CAPSL: variants seen among roughly 807,000 people sequenced by gnomAD.
CAPSL encodes calcyphosine like.
A neutral mutation model predicts 21.3 loss-of-function variants in CAPSL; 17 were observed. The observed-to-expected ratio is 0.80, with a 90% confidence interval of 0.55 to 1.20. The LOEUF (loss-of-function observed/expected upper bound fraction) is 1.20, where lower values mean the gene tolerates loss of function less well. Among genes scored for constraint, CAPSL ranks in the 50% most tolerant of loss-of-function variants. The pLI, the probability that CAPSL is intolerant of heterozygous loss-of-function variation, is 0.00. For missense variants in CAPSL, 289 were observed against 259.3 expected, an observed-to-expected ratio of 1.11 and a Z score of -0.79; for synonymous variants, 102 against 89.3, an observed-to-expected ratio of 1.14 and a Z score of -0.80.
chr5:35,905,386 G>A (rs188215238), intron 4 of CAPSL, among the ~76,000 whole-genome samples: 52 of 152,184 alleles, frequency 3.4e-4, no homozygotes, highest in African/African-American at 1.1e-3. Context: ...TGACATGATC[G>A]GTTGGGGACA....
intron 1 of CAPSL, among the ~76,000 whole-genome samples, chr5:35,928,406 A>T (rs696734): frequency 0.23 from 34,314 of 152,054 alleles, 4,242 homozygotes; most frequent in Non-Finnish European, 0.28. Context: ...GAAATTGAAG[A>T]CTCTGACAGT....
intron 1 of CAPSL, among the ~76,000 whole-genome samples, chr5:35,937,523 G>A (rs923491217): frequency 6.6e-6 from 1 of 152,112 alleles, no homozygotes; most frequent in Non-Finnish European, 1.5e-5. Flanking sequence ...ATCCTTCCAT[G>A]ATCATGTGGT....
At chr5:35,931,987 G>A (rs1738837340) in intron 1 of CAPSL, among the ~76,000 whole-genome samples, 1 of 152,150 alleles carries the variant, frequency 6.6e-6, no homozygotes, top group Non-Finnish European at 1.5e-5. Flanking sequence ...GCAGCCATTA[G>A]TCATGAAAAT....
Position 35,919,168 on chromosome 5 carries a change from A to ATTATATATATATATATATATAT in CAPSL, c.137+1815_137+1816insATATATATATATATATATATAA, listed in dbSNP as rs1328263175. On this transcript the variant is annotated intron_variant, in intron 2 of 4. Transcript: ENST00000651391. Reference sequence around the variant, plus strand: ...CTAGTATCTTTCCTGATTAAAAAAAAAAATATATATATATATATATATAAA... The same window carrying ATTATATATATATATATATATAT: ...CTAGTATCTTTCCTGATTAAAAAAAATTATATATATATATATATATATAAATATATATATATATATATATAAA... Among the ~76,000 whole-genome samples, 117 of 112,948 alleles carry ATTATATATATATATATATATAT rather than the reference A, an allele frequency of 1.0e-3. 1 individual carries two copies. The highest frequency in any genetic ancestry group is 3.6e-3 in the African/African-American group (112 of 30,974). The allele number at this position is 112,948 out of a possible 152,430, so 74.1% of individuals were successfully genotyped here.
At chr5:35,919,706 G>T (rs146794865) in intron 2 of CAPSL, among the ~76,000 whole-genome samples, 187 of 152,314 alleles carry the variant, frequency 1.2e-3, no homozygotes, top group African/African-American at 4.4e-3. Context: ...GTGGAGGAGA[G>T]GGGCAGCTTC....
intron 2 of CAPSL, among the ~76,000 whole-genome samples, chr5:35,919,160 T>TTAAA (rs139738118): frequency 1.8e-3 from 231 of 129,156 alleles, no homozygotes; most frequent in Middle Eastern, 7.6e-3. Flanking sequence ...CTTTCCTGAT[T>TTAAA]AAAAAAAAAA....
chr5:35,919,627 G>T (rs937980277), intron 2 of CAPSL, among the ~76,000 whole-genome samples: 2 of 152,146 alleles, frequency 1.3e-5, no homozygotes, highest in Non-Finnish European at 2.9e-5. Flanking sequence ...ACAAAGGGGT[G>T]TGTATGACCT....
At chr5:35,925,611 C>G (rs148850047) in intron 1 of CAPSL, among the ~76,000 whole-genome samples, 365 of 152,112 alleles carry the variant, frequency 2.4e-3, no homozygotes, top group African/African-American at 8.3e-3. Context: ...CCTGGGGTGC[C>G]AGGGTGGGAT....
chr5:35,904,473 TG>T lies in CAPSL; in HGVS notation c.*71del. The T allele has an allele frequency of 9.1e-7, 1 of 1,102,894 alleles. No individual in the cohort carries two copies. The highest frequency in any genetic ancestry group is 1.6e-5 in the African/African-American group (1 of 63,306). 68.3% of individuals were successfully genotyped at this position (1,102,894 alleles called of 1,614,324 possible). ...ATGAGTGTGAAATCAAATACGATTCTGGTTTTTGAGCTGACATTTAGTCATT... is the reference window on the plus strand; with the variant it reads ...ATGAGTGTGAAATCAAATACGATTCTGTTTTTGAGCTGACATTTAGTCATT... On this transcript the variant is annotated 3_prime_UTR_variant, in exon 5 of 5. Coordinates refer to ENST00000651391, the MANE Select transcript of CAPSL (RefSeq NM_001042625.2).
rs975169655 is a variant in CAPSL at position 35,906,615 on chromosome 5, G to C, written c.526-1969C>G. Among the ~76,000 whole-genome samples the C allele has an allele frequency of 1.1e-4, 17 of 152,278 alleles. 3 individuals are homozygous for C. Among genetic ancestry groups the C allele is most frequent in the East Asian group, 3.9e-4 (2 of 5,178 alleles). On this transcript the variant is annotated intron_variant, in intron 4 of 4. Coordinates refer to ENST00000651391, the MANE Select transcript of CAPSL (RefSeq NM_001042625.2). ...TGCTCTCTTTAAGCCACTCAAGTGA[G>C]AACATCAAGTAGAATAAAAAATAAA...
intron 2 of CAPSL, among the ~76,000 whole-genome samples, chr5:35,917,923 G>A (rs1738435621): frequency 6.6e-6 from 1 of 152,138 alleles, no homozygotes; most frequent in Non-Finnish European, 1.5e-5. Context: ...AATCATGTCA[G>A]TTAGAATGGT....
rs1179691950 is a variant in CAPSL at position 35,904,408 on chromosome 5, C to G, written c.*137G>C. 4 of 689,996 alleles carry G rather than the reference C, an allele frequency of 5.8e-6. No homozygotes were observed. In the East Asian group the frequency reaches 8.1e-5, roughly 14 times the overall value. 42.7% of individuals were successfully genotyped at this position (689,996 alleles called of 1,614,324 possible). A position where few individuals can be genotyped will look rare whatever the true frequency, so the allele number is the denominator to read the frequency against. ...TTTTATTTCTGCCTGTTTTTTGGCC[C>G]CAGAAAATGCAATATTTTGACACAG... On this transcript the variant is annotated 3_prime_UTR_variant, in exon 5 of 5. Coordinates refer to ENST00000651391, the MANE Select transcript of CAPSL (RefSeq NM_001042625.2).
chr5:35,921,032 C>T lies in CAPSL; in HGVS notation c.89G>A (p.Arg30Gln), dbSNP rs779689546. ...TTATDPIERL[R>Q]LQCLARGSAG... ...AGAGCCCCTGGCCAGGCACTGCAGTCGGAGTCTTTCAATGGGGTCGGTGGC... is the reference window on the plus strand; with the variant it reads ...AGAGCCCCTGGCCAGGCACTGCAGTTGGAGTCTTTCAATGGGGTCGGTGGC... The change falls in exon 2 of 5, where the codon CGA becomes CAA. Residue 30 changes from arginine (R) to glutamine (Q), a missense_variant. Transcript: ENST00000651391. 1.4e-5 allele frequency: 22 copies of T among 1,614,002 alleles called. No homozygotes were observed. The highest frequency in any genetic ancestry group is 1.8e-5 in the Non-Finnish European group (21 of 1,180,034).
intron 4 of CAPSL, among the ~76,000 whole-genome samples, chr5:35,905,058 T>G (rs1760645720): frequency 6.6e-6 from 1 of 152,118 alleles, no homozygotes; most frequent in Non-Finnish European, 1.5e-5. Flanking sequence ...GTTTTCCCTT[T>G]CCAAAAATGG....
At chr5:35,910,289 A>C in intron 3 of CAPSL, 77 bp downstream of exon 3, 3 of 1,487,794 alleles carry the variant, frequency 2.0e-6, no homozygotes, top group Non-Finnish European at 1.8e-6. Flanking sequence ...ACTTGTAAAA[A>C]CAAAACCTCA....
intron 2 of CAPSL, among the ~76,000 whole-genome samples, chr5:35,914,475 C>A (rs1342285547): frequency 6.6e-6 from 1 of 152,170 alleles, no homozygotes; most frequent in African/African-American, 2.4e-5. Flanking sequence ...CACTCCTCAG[C>A]AAATGTAAAA....
chr5:35,930,234 C>T (rs1021216390), intron 1 of CAPSL, among the ~76,000 whole-genome samples: 2 of 152,162 alleles, frequency 1.3e-5, no homozygotes, highest in African/African-American at 4.8e-5. Context: ...TCTCGAAATG[C>T]TTAAAATGCA....
At chr5:35,904,827 C>T (rs879804511) in intron 4 of CAPSL, 181 bp from the exon 5 acceptor site, 20 of 485,996 alleles carry the variant, frequency 4.1e-5, no homozygotes, top group Admixed American at 6.4e-5. Context: ...GAGAACAGCA[C>T]CTAGGAAGAG....
chr5:35,921,150 G>A, intron 1 of CAPSL, 30 bp from the exon 2 acceptor site: 1 of 1,609,514 alleles, frequency 6.2e-7, no homozygotes, highest in Non-Finnish European at 8.5e-7. Flanking sequence ...TGTTAGCAAA[G>A]TCCAGGCCTC....
Sources: allele counts gnomAD v4.1 joint callset (sites outside exome capture counted in the v4.1 genomes callset), GRCh38; gene constraint gnomAD v4.1.1; transcripts MANE v1.5; gene names NCBI Gene and HGNC (gene_info 2026-07-23, HGNC 2026-07-21).